Variants in RBFOX1 observed in about 807,000 individuals in gnomAD.
RBFOX1 encodes RNA binding fox-1 homolog 1, also known as RNA binding protein fox-1 homolog 1.
In RBFOX1, 8 loss-of-function variants were observed where a neutral mutation model predicts 57.7. That is an observed-to-expected ratio of 0.14 (90% CI 0.08 to 0.25). The LOEUF (loss-of-function observed/expected upper bound fraction) is 0.25. RBFOX1 is among the 10% of genes least tolerant of loss of function. The pLI, the probability that RBFOX1 is intolerant of heterozygous loss-of-function variation, is 1.00. For missense variants in RBFOX1, 611 were observed against 548.5 expected, an observed-to-expected ratio of 1.11 and a Z score of -1.14; for synonymous variants, 326 against 222.4, an observed-to-expected ratio of 1.47 and a Z score of -4.15.
At chr16:6,986,380 G>T (rs1344162641) in intron 3 of RBFOX1, among the ~76,000 whole-genome samples, 1 of 151,884 alleles carries the variant, frequency 6.6e-6, no homozygotes, top group African/African-American at 2.4e-5. Flanking sequence ...CCTGTTTCTA[G>T]TAGAGACGGG....
chr16:5,954,508 T>C (rs1567186359), intron 4 of RBFOX1, among the ~76,000 whole-genome samples: 1 of 152,180 alleles, frequency 6.6e-6, no homozygotes, highest in Non-Finnish European at 1.5e-5. Context: ...TGCCCTTGCG[T>C]GGCATCTTGA....
At chr16:5,786,955 G>T (rs1171887010) in intron 3 of RBFOX1, among the ~76,000 whole-genome samples, 1 of 152,152 alleles carries the variant, frequency 6.6e-6, no homozygotes, top group Non-Finnish European at 1.5e-5. Flanking sequence ...GGCCAACATG[G>T]TGAAACCCCA....
At chr16:7,263,044 G>A (rs79586687) in intron 4 of RBFOX1, among the ~76,000 whole-genome samples, 2 of 152,176 alleles carry the variant, frequency 1.3e-5, no homozygotes, top group African/African-American at 2.4e-5. Flanking sequence ...TGGAATGACT[G>A]TTCTCTCCTC....
intron 3 of RBFOX1, among the ~76,000 whole-genome samples, chr16:6,952,478 C>G (rs2080965223): frequency 6.6e-6 from 1 of 151,834 alleles, no homozygotes; most frequent in African/African-American, 2.4e-5. Flanking sequence ...AAGACCCTGT[C>G]TCTACAAAAA....
intron 4 of RBFOX1, among the ~76,000 whole-genome samples, chr16:7,277,465 G>A (rs1018008839): frequency 1.6e-4 from 25 of 152,126 alleles, no homozygotes; most frequent in African/African-American, 5.3e-4. Context: ...TAATCAAAGC[G>A]AATAGGACAC....
At position 6,243,027 on chromosome 16, in the gene RBFOX1, G is replaced by GT. The variant is rs1189593068; in HGVS notation, c.-126-73967dup. On this transcript the variant is annotated intron_variant, in intron 1 of 15. Transcript: ENST00000550418. Reference sequence around the variant, plus strand: ...TGTAATCAAAAGGGGTTTCTGAATTGTAAGAGATACTATCATTGTTAACAG... The same window carrying GT: ...TGTAATCAAAAGGGGTTTCTGAATTGTTAAGAGATACTATCATTGTTAACAG... Among the ~76,000 whole-genome samples, 3 of 152,144 alleles carry GT rather than the reference G, an allele frequency of 2.0e-5. No homozygotes were observed. In the East Asian group the frequency reaches 5.8e-4, roughly 29 times the overall value.
intron 3 of RBFOX1, among the ~76,000 whole-genome samples, chr16:6,719,899 C>T (rs1360462749): frequency 6.6e-6 from 1 of 151,762 alleles, no homozygotes; most frequent in Non-Finnish European, 1.5e-5. Context: ...TCGAGACCAG[C>T]CTGGCCATCA....
intron 3 of RBFOX1, among the ~76,000 whole-genome samples, chr16:5,784,064 A>C (rs1484856833): frequency 6.6e-6 from 1 of 152,212 alleles, no homozygotes; most frequent in African/African-American, 2.4e-5. Flanking sequence ...TACGGGAAGC[A>C]TAGAGGCCTC....
At chr16:7,538,068 A>G (rs561597602) in intron 5 of RBFOX1, among the ~76,000 whole-genome samples, 2 of 152,308 alleles carry the variant, frequency 1.3e-5, no homozygotes, top group South Asian at 2.1e-4. Context: ...AGGTACCCGC[A>G]GAGTGATCAG....
intron 2 of RBFOX1, among the ~76,000 whole-genome samples, chr16:6,527,514 G>A (rs1351913740): frequency 6.6e-6 from 1 of 152,022 alleles, no homozygotes; most frequent in African/African-American, 2.4e-5. Context: ...TGGATTTTTG[G>A]TTATGTTTCT....
chr16:6,011,846 A>C (rs1031569221), intron 4 of RBFOX1, among the ~76,000 whole-genome samples: 3 of 152,182 alleles, frequency 2.0e-5, no homozygotes, highest in Non-Finnish European at 4.4e-5. Context: ...TATCATGGAC[A>C]GTGGTGATCT....
intron 4 of RBFOX1, among the ~76,000 whole-genome samples, chr16:7,483,483 A>C (rs751796638): frequency 6.6e-6 from 1 of 152,232 alleles, no homozygotes; most frequent in Non-Finnish European, 1.5e-5. Context: ...GGACCTAAAA[A>C]GCAGTTAGTG....
intron 3 of RBFOX1, among the ~76,000 whole-genome samples, chr16:5,779,220 C>G (rs1462441373): frequency 6.6e-6 from 1 of 152,210 alleles, no homozygotes; most frequent in African/African-American, 2.4e-5. Context: ...GCAGACCAGA[C>G]CCCTCTGGAT....
chr16:6,918,186 G>A (rs1187846472), intron 3 of RBFOX1, among the ~76,000 whole-genome samples: 1 of 151,912 alleles, frequency 6.6e-6, no homozygotes, highest in Non-Finnish European at 1.5e-5. Context: ...AGAAGCTGAG[G>A]CAGGAGAATC....
intron 2 of RBFOX1, among the ~76,000 whole-genome samples, chr16:5,478,269 C>T (rs958772821): frequency 2.0e-5 from 3 of 151,714 alleles, no homozygotes; most frequent in South Asian, 2.1e-4. Flanking sequence ...TCACATTGTC[C>T]GATCCAAGCT....
intron 14 of RBFOX1, among the ~76,000 whole-genome samples, chr16:7,695,503 A>G (rs185682492): frequency 1.8e-4 from 27 of 152,072 alleles, no homozygotes; most frequent in African/African-American, 6.5e-4. Context: ...AAATACAAAA[A>G]TTAGCCGGGT....
At chr16:5,413,094 C>G (rs1249660734) in intron 1 of RBFOX1, among the ~76,000 whole-genome samples, 1 of 152,164 alleles carries the variant, frequency 6.6e-6, no homozygotes, top group Non-Finnish European at 1.5e-5. Flanking sequence ...ATTGATGTTT[C>G]CCATCACGAT....
chr16:6,595,601 G>C (rs1050443558), intron 2 of RBFOX1, among the ~76,000 whole-genome samples: 2 of 152,034 alleles, frequency 1.3e-5, no homozygotes, highest in Admixed American at 6.6e-5. Flanking sequence ...GGGTCATATG[G>C]ACTCTATTTT....
chr16:7,114,435 G>A (rs1023108371), intron 4 of RBFOX1, among the ~76,000 whole-genome samples: 34 of 152,266 alleles, frequency 2.2e-4, no homozygotes, highest in African/African-American at 8.2e-4. Flanking sequence ...GCACAGAAAT[G>A]TACCGTGCAG....
Sources: gnomAD v4.1 joint callset for allele counts (sites outside exome capture counted in the v4.1 genomes callset) on GRCh38, gnomAD v4.1.1 for gene constraint, MANE v1.5 for transcripts, NCBI Gene and HGNC (gene_info 2026-07-23, HGNC 2026-07-21) for gene names.